The following ROBO1 variants were observed in gnomAD, a reference collection of about 807,000 sequenced individuals.
ROBO1 encodes roundabout guidance receptor 1.
ROBO1 carries 149 observed loss-of-function variants against 195.9 expected under a neutral mutation model. The observed-to-expected ratio is 0.76, with a 90% CI of 0.67 to 0.87. ROBO1 has a LOEUF of 0.87. Among genes scored for constraint, ROBO1 ranks in the 40% least tolerant of loss-of-function variants. The probability of loss-of-function intolerance (pLI) is 0.00; values close to 1 mark genes in which losing one functional copy is unlikely to be tolerated. For synonymous variants in ROBO1, 816 were observed against 733.2 expected (o/e 1.11, Z -1.82); for missense variants, 1,933 against 2,068.3 (o/e 0.93, Z 1.27).
At chr3:78,674,244 A>T (rs931462135) in intron 10 of ROBO1, among the ~76,000 whole-genome samples, 2 of 152,206 alleles carry the variant, frequency 1.3e-5, no homozygotes, top group Non-Finnish European at 2.9e-5. Flanking sequence ...TCACAGCTAC[A>T]GTCAACACAA....
At chr3:78,815,682 C>T (rs532270309) in intron 4 of ROBO1, among the ~76,000 whole-genome samples, 1 of 152,246 alleles carries the variant, frequency 6.6e-6, no homozygotes, top group Non-Finnish European at 1.5e-5. Context: ...GATTTCATCT[C>T]GAGGAACCAC....
At chr3:79,545,072 A>G (rs1211861949) in intron 2 of ROBO1, among the ~76,000 whole-genome samples, 3 of 152,148 alleles carry the variant, frequency 2.0e-5, no homozygotes, top group Non-Finnish European at 4.4e-5. Context: ...CTTAAATAGT[A>G]TCCCTGTAAA....
At chr3:79,669,494 GTTA>G (rs926353993) in intron 1 of ROBO1, among the ~76,000 whole-genome samples, 91 of 151,892 alleles carry the variant, frequency 6.0e-4, no homozygotes, top group African/African-American at 2.1e-3. Flanking sequence ...ATACCATTGG[GTTA>G]TTATTGCCTA....
chr3:79,404,319 T>G (rs1464536597), intron 2 of ROBO1, among the ~76,000 whole-genome samples: 1 of 152,140 alleles, frequency 6.6e-6, no homozygotes, highest in East Asian at 1.9e-4. Flanking sequence ...TTAAGTTGTT[T>G]GTGGGACAGT....
At chr3:79,360,008 T>C (rs1236998983) in intron 2 of ROBO1, among the ~76,000 whole-genome samples, 4 of 151,980 alleles carry the variant, frequency 2.6e-5, no homozygotes, top group African/African-American at 7.2e-5. Flanking sequence ...GCAGAGGAAA[T>C]TGTGGAATAC....
chr3:79,569,950 A>T (rs1943225211), intron 2 of ROBO1, among the ~76,000 whole-genome samples: 1 of 151,658 alleles, frequency 6.6e-6, no homozygotes, highest in South Asian at 2.1e-4. Flanking sequence ...AATACAAAAA[A>T]ATTGGCCTGG....
At chr3:79,593,740 A>C in intron 1 of ROBO1, among the ~76,000 whole-genome samples, 1 of 151,918 alleles carries the variant, frequency 6.6e-6, no homozygotes, top group Non-Finnish European at 1.5e-5. Context: ...CCTCCTGAGT[A>C]GCTGGGACAA....
At chr3:78,763,807 C>T (rs1317619734) in intron 4 of ROBO1, among the ~76,000 whole-genome samples, 1 of 152,176 alleles carries the variant, frequency 6.6e-6, no homozygotes, top group Admixed American at 6.6e-5. Flanking sequence ...CGAGTTTTAA[C>T]CGGCAAAGCG....
intron 2 of ROBO1, among the ~76,000 whole-genome samples, chr3:79,542,878 A>C (rs1224299647): frequency 6.6e-6 from 1 of 152,056 alleles, no homozygotes; most frequent in Non-Finnish European, 1.5e-5. Context: ...TATTAGCATA[A>C]ATTTCCCTTT....
At chr3:79,706,473 T>C (rs973313200) in intron 1 of ROBO1, among the ~76,000 whole-genome samples, 8 of 152,140 alleles carry the variant, frequency 5.3e-5, no homozygotes, top group African/African-American at 1.9e-4. Flanking sequence ...GTTGAACTAT[T>C]CTTACACATC....
At chr3:79,550,682 A>G (rs566729025) in intron 2 of ROBO1, among the ~76,000 whole-genome samples, 21 of 152,320 alleles carry the variant, frequency 1.4e-4, no homozygotes, top group African/African-American at 4.3e-4. Flanking sequence ...CAAATACCAA[A>G]GCAAATAATT....
chr3:79,150,173 T>C (rs1046614088), intron 2 of ROBO1, among the ~76,000 whole-genome samples: 1 of 151,836 alleles, frequency 6.6e-6, no homozygotes. Context: ...TGCCTATGTA[T>C]GTCTCTAATT....
chr3:79,575,102 A>G (rs1943408414), intron 2 of ROBO1, among the ~76,000 whole-genome samples: 1 of 137,078 alleles, frequency 7.3e-6, no homozygotes, highest in African/African-American at 2.8e-5. Context: ...GAAAACAAAT[A>G]TATATATATA....
At chr3:79,286,800 T>C (rs1373058748) in intron 2 of ROBO1, among the ~76,000 whole-genome samples, 4 of 152,076 alleles carry the variant, frequency 2.6e-5, no homozygotes, top group Admixed American at 6.6e-5. Flanking sequence ...CAACAGAAAA[T>C]AGTTACAATT....
At chr3:79,492,769 A>G (rs1433052572) in intron 2 of ROBO1, among the ~76,000 whole-genome samples, 3 of 152,106 alleles carry the variant, frequency 2.0e-5, no homozygotes, top group African/African-American at 7.2e-5. Flanking sequence ...TATGAGATCC[A>G]CAACTTACAA....
At chr3:79,707,003 A>G (rs1426112205) in intron 1 of ROBO1, among the ~76,000 whole-genome samples, 1 of 152,098 alleles carries the variant, frequency 6.6e-6, no homozygotes, top group African/African-American at 2.4e-5. Context: ...TAATAGAGTG[A>G]CACTGGACTT....
chr3:78,650,047 A>C (rs369446075), intron 19 of ROBO1, among the ~76,000 whole-genome samples: 1 of 152,088 alleles, frequency 6.6e-6, no homozygotes, highest in Non-Finnish European at 1.5e-5. Context: ...TGAAGAATTC[A>C]AGAGACTCCA....
intron 2 of ROBO1, among the ~76,000 whole-genome samples, chr3:79,161,682 G>T (rs551986028): frequency 3.3e-5 from 5 of 152,038 alleles, no homozygotes; most frequent in Non-Finnish European, 7.4e-5. Context: ...AATGCTATTT[G>T]TAAACAAACA....
intron 2 of ROBO1, among the ~76,000 whole-genome samples, chr3:79,477,028 T>TTAAATTAATTA (rs1938578394): frequency 6.6e-6 from 1 of 152,140 alleles, no homozygotes; most frequent in Non-Finnish European, 1.5e-5. Context: ...TTAATTAATA[T>TTAAATTAATTA]GTGGCAGAAC....
Sources: allele counts gnomAD v4.1 joint callset (sites outside exome capture counted in the v4.1 genomes callset), GRCh38; gene constraint gnomAD v4.1.1; transcripts MANE v1.5; gene names NCBI Gene and HGNC (gene_info 2026-07-23, HGNC 2026-07-21).